The following LRRC8D variants were observed in gnomAD, a reference collection of about 807,000 sequenced individuals.
The protein encoded by LRRC8D is volume-regulated anion channel subunit LRRC8D.
LRRC8D carries 20 observed loss-of-function variants against 55.8 expected under a neutral mutation model. The observed-to-expected ratio is 0.36, with a 90% CI of 0.25 to 0.52. The LOEUF (loss-of-function observed/expected upper bound fraction) is 0.52. Ranked by LOEUF, LRRC8D falls within the 20% of genes least tolerant of loss-of-function variation. The probability of loss-of-function intolerance (pLI) is 0.93; values close to 1 mark genes in which losing one functional copy is unlikely to be tolerated. For synonymous variants in LRRC8D, 352 were observed against 377.0 expected, an observed-to-expected ratio of 0.93 and a Z score of 0.77; for missense variants, 651 against 1,030.8, an observed-to-expected ratio of 0.63 and a Z score of 5.05.
rs140773509 is a variant in LRRC8D, at chr1:89,897,017, T to C, written c.-2-36050T>C. 3.9e-3 allele frequency among the ~76,000 whole-genome samples: 601 copies of C among 152,194 alleles called. 2 individuals carry two copies. The highest frequency in any genetic ancestry group is 0.014 in the African/African-American group (582 of 41,508). ...GGGGTGCTGATTGATATTCAGAGAG[T>C]TAAATAATTTACTTGAAGTCAGCAG... On this transcript the variant is annotated intron_variant, in intron 2 of 2. Transcript: ENST00000337338.
At chr1:89,829,628 G>A (rs1660841430) in intron 1 of LRRC8D, among the ~76,000 whole-genome samples, 1 of 152,182 alleles carries the variant, frequency 6.6e-6, no homozygotes, top group Non-Finnish European at 1.5e-5. Flanking sequence ...GTTTTGAGGT[G>A]TAAAGGTACC....
intron 2 of LRRC8D, among the ~76,000 whole-genome samples, chr1:89,898,768 ATACAAC>A (rs1286354952): frequency 6.6e-5 from 10 of 152,270 alleles, no homozygotes; most frequent in African/African-American, 2.2e-4. Flanking sequence ...TGTTCTAAGC[ATACAAC>A]TACAAAGTAC....
At chr1:89,899,052 A>C (rs747466110) in intron 2 of LRRC8D, among the ~76,000 whole-genome samples, 1 of 152,222 alleles carries the variant, frequency 6.6e-6, no homozygotes, top group Non-Finnish European at 1.5e-5. Flanking sequence ...TGAGCTCTTC[A>C]GCTTCGGAAA....
intron 2 of LRRC8D, among the ~76,000 whole-genome samples, chr1:89,872,468 T>G (rs1662033724): frequency 6.6e-6 from 1 of 152,228 alleles, no homozygotes; most frequent in Non-Finnish European, 1.5e-5. Context: ...TTCTGTTATT[T>G]GTTATAGAAC....
Position 89,933,542 on chromosome 1 carries a change from T to G in LRRC8D, c.474T>G (p.Leu158=). The G allele has an allele frequency of 1.9e-6, 3 of 1,614,196 alleles. No homozygotes were observed. Among genetic ancestry groups the G allele is most frequent in the Non-Finnish European group, 2.5e-6 (3 of 1,180,022 alleles). ...FINQMCYHLA[L]PWYSKYFPYL... ...ATCAAATGTGTTACCATCTGGCCCTTCCGTGGTATTCTAAGTACTTTCCAT... is the reference window on the plus strand; with the variant it reads ...ATCAAATGTGTTACCATCTGGCCCTGCCGTGGTATTCTAAGTACTTTCCAT... The change falls in exon 3 of 3, where the codon CTT becomes CTG. Residue 158 remains leucine, a synonymous_variant. Coordinates refer to ENST00000337338, the MANE Select transcript of LRRC8D (RefSeq NM_001134479.2). This position sits in a 1 kb window ranked among gnomAD's most constrained non-coding sequence, Gnocchi z 7.0.
intron 2 of LRRC8D, among the ~76,000 whole-genome samples, chr1:89,871,596 AT>A (rs943111265): frequency 1.1e-4 from 17 of 151,996 alleles, no homozygotes; most frequent in African/African-American, 3.9e-4. Flanking sequence ...ATAGATGTCC[AT>A]TTTTTTTCAT....
At chr1:89,831,831 G>A (rs1275360437) in intron 1 of LRRC8D, among the ~76,000 whole-genome samples, 1 of 152,152 alleles carries the variant, frequency 6.6e-6, no homozygotes, top group African/African-American at 2.4e-5. Context: ...CAAGAATGCT[G>A]GAAAATGTTT....
chr1:89,905,263 G>A (rs1662960924), intron 2 of LRRC8D, among the ~76,000 whole-genome samples: 1 of 152,076 alleles, frequency 6.6e-6, no homozygotes, highest in Non-Finnish European at 1.5e-5. Context: ...TTTTTAATAG[G>A]GCTGTTTCTC....
intron 2 of LRRC8D, among the ~76,000 whole-genome samples, chr1:89,844,721 G>T (rs1661229845): frequency 6.6e-6 from 1 of 152,124 alleles, no homozygotes; most frequent in Non-Finnish European, 1.5e-5. Context: ...TCCCTGGCAG[G>T]TCCAATCTTT....
At chr1:89,925,805 A>ATTAATTAT (rs1663547444) in intron 2 of LRRC8D, among the ~76,000 whole-genome samples, 2 of 152,234 alleles carry the variant, frequency 1.3e-5, no homozygotes, top group Non-Finnish European at 2.9e-5. Flanking sequence ...GTAAAATGGT[A>ATTAATTAT]TAACAGATGC....
rs372989159 is a variant in LRRC8D at position 89,870,785 on chromosome 1, A to G, written c.-3+27003A>G. ...TTCAAGATAGAACTTTAAGGAAAAC[A>G]CATGTAGGAGGCAGTGACCAGGGGT... On this transcript the variant is annotated intron_variant, in intron 2 of 2. Transcript: ENST00000337338. Among the ~76,000 whole-genome samples the G allele has an allele frequency of 1.1e-4, 16 of 152,300 alleles. 1 individual carries two copies. The highest frequency in any genetic ancestry group is 3.9e-4 in the Admixed American group (6 of 15,304).
chr1:89,908,893 GATTT>G (rs1663060902), intron 2 of LRRC8D, among the ~76,000 whole-genome samples: 1 of 152,140 alleles, frequency 6.6e-6, no homozygotes, highest in Admixed American at 6.5e-5. Context: ...ATAATTTGGG[GATTT>G]ATTTTTTTAA....
intron 2 of LRRC8D, among the ~76,000 whole-genome samples, chr1:89,878,851 C>G (rs1662209932): frequency 1.3e-5 from 2 of 151,690 alleles, no homozygotes; most frequent in African/African-American, 4.8e-5. Context: ...CCTGTAATCC[C>G]AGCTACTTGG....
chr1:89,876,565 A>G (rs778419285), intron 2 of LRRC8D, among the ~76,000 whole-genome samples: 1 of 152,222 alleles, frequency 6.6e-6, no homozygotes, highest in Non-Finnish European at 1.5e-5. Context: ...CTGCCTGGTT[A>G]GAGCAGAGAG....
intron 2 of LRRC8D, among the ~76,000 whole-genome samples, chr1:89,845,899 A>G (rs1332616723): frequency 2.0e-5 from 3 of 152,088 alleles, no homozygotes; most frequent in Admixed American, 6.5e-5. Flanking sequence ...CTTCTGCCAC[A>G]GCCTCCCGAG....
chr1:89,845,356 A>G (rs1227453258), intron 2 of LRRC8D, among the ~76,000 whole-genome samples: 1 of 152,194 alleles, frequency 6.6e-6, no homozygotes, highest in African/African-American at 2.4e-5. Flanking sequence ...TGAACTTCGT[A>G]AGTTTGAATT....
rs35690511 is a variant in LRRC8D at position 89,827,343 on chromosome 1, CAA to C, written c.-148+6069_-148+6070del. On this transcript the variant is annotated intron_variant, in intron 1 of 2. Coordinates refer to ENST00000337338, the MANE Select transcript of LRRC8D (RefSeq NM_001134479.2). ...CCAGCCTGGGCAACAGAGACTGTCTCAAAAAAAAAAAAAAAAAAGATTTTGGG... is the reference window on the plus strand; with the variant it reads ...CCAGCCTGGGCAACAGAGACTGTCTCAAAAAAAAAAAAAAAAGATTTTGGG... 6.6e-3 allele frequency among the ~76,000 whole-genome samples: 691 copies of C among 105,036 alleles called. 3 individuals carry two copies. The highest frequency in any genetic ancestry group is 0.018 in the Middle Eastern group (4 of 218). 68.9% of individuals were successfully genotyped at this position (105,036 alleles called of 152,430 possible).
intron 1 of LRRC8D, among the ~76,000 whole-genome samples, chr1:89,830,258 A>C (rs1415131704): frequency 6.6e-6 from 1 of 152,184 alleles, no homozygotes; most frequent in African/African-American, 2.4e-5. Flanking sequence ...ATTTATCTTA[A>C]CATTTAGCCA....
At chr1:89,897,163 C>G (rs568345802) in intron 2 of LRRC8D, among the ~76,000 whole-genome samples, 1 of 152,326 alleles carries the variant, frequency 6.6e-6, no homozygotes, top group Admixed American at 6.5e-5. Flanking sequence ...GTATGTACAT[C>G]TCTCTTGGCT....
Sources: allele counts gnomAD v4.1 joint callset (sites outside exome capture counted in the v4.1 genomes callset), GRCh38; gene constraint gnomAD v4.1.1; non-coding constraint Gnocchi (gnomAD v3.1); transcripts MANE v1.5; gene names NCBI Gene and HGNC (gene_info 2026-07-23, HGNC 2026-07-21).